Variants in PDE1A observed in about 807,000 individuals in gnomAD.
PDE1A encodes dual specificity calcium/calmodulin-dependent 3',5'-cyclic nucleotide phosphodiesterase 1A.
A neutral mutation model predicts 61.7 loss-of-function variants in PDE1A; 35 were observed. The observed-to-expected ratio is 0.57, with a 90% confidence interval of 0.43 to 0.75. The LOEUF is 0.75. Among genes scored for constraint, PDE1A ranks in the 30% least tolerant of loss-of-function variants. The pLI, the probability that PDE1A is intolerant of heterozygous loss-of-function variation, is 0.00. For missense variants in PDE1A, 597 were observed against 630.6 expected, an observed-to-expected ratio of 0.95 and a Z score of 0.57; for synonymous variants, 232 against 213.2, an observed-to-expected ratio of 1.09 and a Z score of -0.77.
At chr2:182,385,511 G>C (rs1034794074) in intron 1 of PDE1A, among the ~76,000 whole-genome samples, 1 of 151,244 alleles carries the variant, frequency 6.6e-6, no homozygotes, top group Admixed American at 6.6e-5. Flanking sequence ...TAGATTTTTT[G>C]CAAGCTTCAT....
intron 2 of PDE1A, among the ~76,000 whole-genome samples, chr2:182,519,689 T>C (rs1051647547): frequency 6.6e-6 from 1 of 151,894 alleles, no homozygotes; most frequent in African/African-American, 2.4e-5. Context: ...AAAAATTATT[T>C]CTATGGACTC....
chr2:182,429,615 TA>T (rs1703825376), upstream of PDE1A, among the ~76,000 whole-genome samples: 1 of 152,146 alleles, frequency 6.6e-6, no homozygotes, highest in Admixed American at 6.6e-5. Context: ...GTTAATTTTC[TA>T]AAACACAAAT....
intron 2 of PDE1A, among the ~76,000 whole-genome samples, chr2:182,481,639 C>T (rs1455094018): frequency 6.6e-6 from 1 of 151,864 alleles, no homozygotes; most frequent in Non-Finnish European, 1.5e-5. Flanking sequence ...GTACAAAAAT[C>T]CCAGATTGTG....
downstream of PDE1A, among the ~76,000 whole-genome samples, chr2:182,164,154 C>T (rs946387982): frequency 6.6e-6 from 1 of 152,124 alleles, no homozygotes. Context: ...AGTATTCTAT[C>T]GTCACATGGT....
chr2:182,268,300 C>T (rs1352072591), intron 1 of PDE1A, among the ~76,000 whole-genome samples: 1 of 152,002 alleles, frequency 6.6e-6, no homozygotes, highest in Admixed American at 6.6e-5. Context: ...TTAAAAAACC[C>T]AGTTCAGTTA....
the PDE1A span, among the ~76,000 whole-genome samples, chr2:182,658,573 T>C: frequency 6.6e-6 from 1 of 152,224 alleles, no homozygotes; most frequent in Non-Finnish European, 1.5e-5. Context: ...GATTCTATAA[T>C]GACATAGCAT....
At chr2:182,325,074 G>A (rs1055058484) in intron 1 of PDE1A, among the ~76,000 whole-genome samples, 1 of 152,072 alleles carries the variant, frequency 6.6e-6, no homozygotes, top group African/African-American at 2.4e-5. Context: ...ACACATCAGG[G>A]CTAAAATCCC....
intron 2 of PDE1A, among the ~76,000 whole-genome samples, chr2:182,257,180 C>G (rs1479018827): frequency 1.3e-5 from 2 of 152,172 alleles, no homozygotes; most frequent in African/African-American, 4.8e-5. Flanking sequence ...CTTAAATACT[C>G]AAGTTTTCCT....
intron 2 of PDE1A, among the ~76,000 whole-genome samples, chr2:182,262,799 T>C (rs1288364755): frequency 6.6e-6 from 1 of 152,168 alleles, no homozygotes; most frequent in Non-Finnish European, 1.5e-5. Flanking sequence ...GTTTACGTAG[T>C]ATACTACCTT....
At chr2:182,680,084 A>C in the PDE1A span, among the ~76,000 whole-genome samples, 2 of 152,262 alleles carry the variant, frequency 1.3e-5, no homozygotes, top group Non-Finnish European at 2.9e-5. Flanking sequence ...TTTTGAATCA[A>C]GATAAAATAT....
In PDE1A at chr2:182,449,333, G is replaced by A. The variant is rs1233015595; in HGVS notation, c.101+72943C>T. Among the ~76,000 whole-genome samples, 16 of 150,966 alleles carry A rather than the reference G, an allele frequency of 1.1e-4. No individual in the cohort carries two copies. In the South Asian group the frequency reaches 2.3e-3, roughly 22 times the overall value. ...AAAGAGACAGAGAGAGAGAGAAAGAGAAAGGAAAGAAGGAAGGAAGGAAGG... is the reference window on the plus strand; with the variant it reads ...AAAGAGACAGAGAGAGAGAGAAAGAAAAAGGAAAGAAGGAAGGAAGGAAGG... On this transcript the variant is annotated intron_variant, in intron 2 of 14. Coordinates refer to the PDE1A transcript ENST00000410103.
upstream of PDE1A, among the ~76,000 whole-genome samples, chr2:182,431,313 C>T (rs1703941024): frequency 6.6e-6 from 1 of 152,004 alleles, no homozygotes; most frequent in Non-Finnish European, 1.5e-5. Context: ...GATCCTCCCC[C>T]AGGAAAGTTC....
intron 7 of PDE1A, among the ~76,000 whole-genome samples, chr2:182,218,438 G>GA (rs1380456810): frequency 6.6e-6 from 1 of 151,122 alleles, no homozygotes; most frequent in African/African-American, 2.4e-5. Flanking sequence ...AAAAAAACAA[G>GA]AAAAAAAAGA....
chr2:182,574,801 C>T, the PDE1A span, among the ~76,000 whole-genome samples: 8 of 152,172 alleles, frequency 5.3e-5, no homozygotes, highest in Non-Finnish European at 1.2e-4. Context: ...AGTGATTCTC[C>T]TGCCTCAGCC....
chr2:182,200,287 C>T (rs531598391), intron 10 of PDE1A, among the ~76,000 whole-genome samples: 1 of 152,224 alleles, frequency 6.6e-6, no homozygotes, highest in African/African-American at 2.4e-5. Context: ...ATAGTTTCAG[C>T]ATAGGGCCTG....
intron 1 of PDE1A, among the ~76,000 whole-genome samples, chr2:182,359,046 T>C (rs1040427930): frequency 6.6e-6 from 1 of 152,028 alleles, no homozygotes; most frequent in Non-Finnish European, 1.5e-5. Flanking sequence ...TTTCTGACTT[T>C]ACAATACTTA....
chr2:182,355,466 T>C (rs1436576389), intron 1 of PDE1A, among the ~76,000 whole-genome samples: 1 of 151,980 alleles, frequency 6.6e-6, no homozygotes, highest in Admixed American at 6.6e-5. Context: ...AAAATAAACC[T>C]AAGTTTGAAG....
chr2:182,185,820 A>G (rs1360525399), intron 13 of PDE1A, 72 bp downstream of exon 13: 2 of 1,603,972 alleles, frequency 1.2e-6, no homozygotes, highest in South Asian at 2.2e-5. Flanking sequence ...AATCTAGAAG[A>G]AGTAATCCAA....
At chr2:182,641,019 C>CAAAAA in the PDE1A span, among the ~76,000 whole-genome samples, 4 of 61,314 alleles carry the variant, frequency 6.5e-5, 1 homozygote, top group East Asian at 1.0e-3. Flanking sequence ...GACTCCATCT[C>CAAAAA]AAAAAAAAAA....
Sources: gnomAD v4.1 joint callset for allele counts (sites outside exome capture counted in the v4.1 genomes callset) on GRCh38, gnomAD v4.1.1 for gene constraint, MANE v1.5 for transcripts, NCBI Gene and HGNC (gene_info 2026-07-23, HGNC 2026-07-21) for gene names.